Variants in GPR39 observed in about 807,000 individuals in gnomAD.
GPR39 encodes zinc sensing receptor.
GPR39 carries 23 observed loss-of-function variants against 18.4 expected under a neutral mutation model. That is an observed-to-expected ratio of 1.25 (90% CI 0.90 to 1.77). GPR39 has a LOEUF of 1.77. GPR39 is among the 40% of genes most tolerant of loss of function. The pLI is 0.00. For missense variants in GPR39, 647 were observed against 602.4 expected (o/e 1.07, Z -0.78); for synonymous variants, 280 against 257.9 (o/e 1.09, Z -0.82).
intron 1 of GPR39, among the ~76,000 whole-genome samples, chr2:132,537,394 C>G (rs1314071421): frequency 6.6e-6 from 1 of 152,058 alleles, no homozygotes; most frequent in East Asian, 1.9e-4. Context: ...TGAATATTGG[C>G]CCCCACTCTC....
intron 1 of GPR39, among the ~76,000 whole-genome samples, chr2:132,483,155 G>A (rs566662735): frequency 6.6e-6 from 1 of 152,354 alleles, no homozygotes; most frequent in African/African-American, 2.4e-5. Flanking sequence ...GGGTTGTAAT[G>A]AAGGTTAAAT....
intron 1 of GPR39, among the ~76,000 whole-genome samples, chr2:132,544,594 G>A (rs1359984845): frequency 1.3e-5 from 2 of 152,224 alleles, no homozygotes; most frequent in Admixed American, 1.3e-4. Flanking sequence ...TGGCCTGCTG[G>A]GCCATGCCTG....
chr2:132,645,897 A>ATTAT lies in GPR39; in HGVS notation c.*294_*297dup. 1.5e-6 allele frequency: 1 copy of ATTAT among 678,166 alleles called. No homozygotes were observed. The highest frequency in any genetic ancestry group is 2.4e-6 in the Non-Finnish European group (1 of 411,472). 42.0% of individuals were successfully genotyped at this position (678,166 alleles called of 1,614,324 possible). ...TCAGAATGCTTTACCGAGCTCTTTC[A>ATTAT]TTATTTGCACAGGAACAAAAGAGAA... On this transcript the variant is annotated 3_prime_UTR_variant, in exon 2 of 2. Transcript: ENST00000329321.
At position 132,437,064 on chromosome 2, in the gene GPR39, C is replaced by T. The variant is rs113930640; in HGVS notation, c.856+19166C>T. On this transcript the variant is annotated intron_variant, in intron 1 of 1. Coordinates refer to ENST00000329321, the MANE Select transcript of GPR39 (RefSeq NM_001508.3). ...CCTCAGGTAACACAGCAATTAAGAA[C>T]CTGAGGTGTATCTGACCCAGGCAGG... 9.8e-3 allele frequency among the ~76,000 whole-genome samples: 1,484 copies of T among 152,156 alleles called. 25 individuals are homozygous for T. Among genetic ancestry groups the T allele is most frequent in the African/African-American group, 0.033 (1,383 of 41,490 alleles).
At chr2:132,464,147 T>G in intron 1 of GPR39, among the ~76,000 whole-genome samples, 1 of 152,222 alleles carries the variant, frequency 6.6e-6, no homozygotes, top group East Asian at 1.9e-4. Flanking sequence ...TTTTTGAAGC[T>G]GTGAAAGGGA....
chr2:132,462,350 T>G (rs1283279702), intron 1 of GPR39, among the ~76,000 whole-genome samples: 1 of 141,640 alleles, frequency 7.1e-6, no homozygotes, highest in Admixed American at 6.8e-5. Flanking sequence ...TGAATAATTT[T>G]GCAGGCTGGC....
chr2:132,530,745 G>C (rs983586057), intron 1 of GPR39, among the ~76,000 whole-genome samples: 2 of 152,122 alleles, frequency 1.3e-5, no homozygotes, highest in African/African-American at 4.8e-5. Context: ...TTCATATCCA[G>C]CCAAACTAAG....
chr2:132,432,871 T>C lies in GPR39; in HGVS notation c.856+14973T>C, dbSNP rs948453806. Among the ~76,000 whole-genome samples the C allele has an allele frequency of 6.0e-4, 92 of 152,296 alleles. 1 individual carries two copies. The highest frequency in any genetic ancestry group is 2.1e-3 in the African/African-American group (89 of 41,568). On this transcript the variant is annotated intron_variant, in intron 1 of 1. Coordinates refer to ENST00000329321, the MANE Select transcript of GPR39 (RefSeq NM_001508.3). ...AGACATAAACTGGTCTAAGGTTGAT[T>C]TGAGCATGCAGTGAGAAGTATATGG...
At chr2:132,493,172 C>T (rs1681540178) in intron 1 of GPR39, among the ~76,000 whole-genome samples, 1 of 137,264 alleles carries the variant, frequency 7.3e-6, no homozygotes, top group Non-Finnish European at 1.5e-5. Flanking sequence ...ATATATACAC[C>T]ATATATACAC....
At chr2:132,475,117 T>C (rs1005499824) in intron 1 of GPR39, among the ~76,000 whole-genome samples, 1 of 152,164 alleles carries the variant, frequency 6.6e-6, no homozygotes, top group African/African-American at 2.4e-5. Flanking sequence ...GTATCAGGAC[T>C]GGTTCCAGGT....
chr2:132,476,719 T>A (rs1178833664), intron 1 of GPR39, among the ~76,000 whole-genome samples: 1 of 145,944 alleles, frequency 6.9e-6, no homozygotes, highest in Non-Finnish European at 1.5e-5. Context: ...GAAAAGGAAG[T>A]GAGGTAGGGA....
At chr2:132,493,368 T>C (rs1281856876) in intron 1 of GPR39, among the ~76,000 whole-genome samples, 2 of 144,114 alleles carry the variant, frequency 1.4e-5, no homozygotes, top group East Asian at 2.0e-4. Context: ...ATATATACAC[T>C]ATATATATAC....
At chr2:132,561,996 C>A (rs1296497052) in intron 1 of GPR39, among the ~76,000 whole-genome samples, 1 of 152,196 alleles carries the variant, frequency 6.6e-6, no homozygotes, top group Non-Finnish European at 1.5e-5. Context: ...AATACCCTCG[C>A]AGACACACTC....
At chr2:132,597,220 G>T (rs4546056) in intron 1 of GPR39, among the ~76,000 whole-genome samples, 3 of 152,066 alleles carry the variant, frequency 2.0e-5, no homozygotes, top group African/African-American at 4.8e-5. Context: ...GTTGGGGTCA[G>T]GCTATGTGGA....
At chr2:132,533,038 A>G (rs1679671108) in intron 1 of GPR39, among the ~76,000 whole-genome samples, 3 of 152,128 alleles carry the variant, frequency 2.0e-5, no homozygotes. Context: ...TTCAATTAGG[A>G]AAAGAGGAAG....
chr2:132,501,708 A>G (rs905006438), intron 1 of GPR39, among the ~76,000 whole-genome samples: 1 of 152,076 alleles, frequency 6.6e-6, no homozygotes, highest in Non-Finnish European at 1.5e-5. Context: ...GTTGCTATCT[A>G]TCTCATTTCT....
rs528411156 is a variant in GPR39 at position 132,553,104 on chromosome 2, T to G, written c.857-91997T>G. Among the ~76,000 whole-genome samples, 23 of 151,440 alleles carry G rather than the reference T, an allele frequency of 1.5e-4. 1 individual carries two copies. The highest frequency in any genetic ancestry group is 5.3e-4 in the African/African-American group (22 of 41,348). ...CCATGCCTGGCTAATTTTTGTATTTTTAGTAGAGATGGGGTTTTGCCATGT... is the reference window on the plus strand; with the variant it reads ...CCATGCCTGGCTAATTTTTGTATTTGTAGTAGAGATGGGGTTTTGCCATGT... On this transcript the variant is annotated intron_variant, in intron 1 of 1. Transcript: ENST00000329321.
intron 1 of GPR39, 117 bp downstream of exon 1, chr2:132,418,015 T>TGTAGCA: frequency 7.8e-7 from 1 of 1,289,132 alleles, no homozygotes; most frequent in East Asian, 2.3e-5. Context: ...ACACTTAAGT[T>TGTAGCA]TACTAAGGTG....
At chr2:132,531,642 A>C (rs1023465668) in intron 1 of GPR39, among the ~76,000 whole-genome samples, 63 of 152,354 alleles carry the variant, frequency 4.1e-4, no homozygotes, top group African/African-American at 1.2e-3. Context: ...AAATTATAAC[A>C]AACTATCTCT....
Sources: allele counts gnomAD v4.1 joint callset (sites outside exome capture counted in the v4.1 genomes callset), GRCh38; gene constraint gnomAD v4.1.1; transcripts MANE v1.5; gene names NCBI Gene and HGNC (gene_info 2026-07-23, HGNC 2026-07-21).